The following TMTC1 variants were observed in gnomAD, a reference collection of about 807,000 sequenced individuals.
TMTC1 encodes transmembrane O-mannosyltransferase targeting cadherins 1, also known as protein O-mannosyl-transferase TMTC1.
In TMTC1, 73 loss-of-function variants were observed where a neutral mutation model predicts 104.8. The observed-to-expected ratio is 0.70, with a 90% CI of 0.58 to 0.85. The LOEUF (loss-of-function observed/expected upper bound fraction) is 0.85. Among genes scored for constraint, TMTC1 ranks in the 40% least tolerant of loss-of-function variants. The probability of loss-of-function intolerance (pLI) is 0.00; values close to 1 mark genes in which losing one functional copy is unlikely to be tolerated. For synonymous variants in TMTC1, 434 were observed against 428.7 expected, an observed-to-expected ratio of 1.01 and a Z score of -0.15; for missense variants, 1,035 against 1,096.1, an observed-to-expected ratio of 0.94 and a Z score of 0.79.
intron 6 of TMTC1, among the ~76,000 whole-genome samples, chr12:29,630,752 T>C (rs983466398): frequency 2.0e-5 from 3 of 152,232 alleles, no homozygotes; most frequent in African/African-American, 7.2e-5. Context: ...ACGATATTCA[T>C]ATGGGCAAGT....
intron 8 of TMTC1, among the ~76,000 whole-genome samples, chr12:29,574,361 T>A (rs1004390772): frequency 1.2e-4 from 19 of 152,106 alleles, no homozygotes; most frequent in African/African-American, 4.1e-4. Flanking sequence ...CTGGGCCAGT[T>A]TTTTTTGTTT....
intron 6 of TMTC1, among the ~76,000 whole-genome samples, chr12:29,606,416 T>C (rs956792579): frequency 1.4e-5 from 2 of 141,554 alleles, no homozygotes; most frequent in Middle Eastern, 3.2e-3. Context: ...TTCTTACAAT[T>C]GAAAACAGAC....
chr12:29,717,465 T>C (rs969708498), intron 5 of TMTC1, among the ~76,000 whole-genome samples: 2 of 152,218 alleles, frequency 1.3e-5, no homozygotes, highest in Admixed American at 1.3e-4. Flanking sequence ...AACCTTATCA[T>C]GGTTTGCTTA....
At chr12:29,656,500 G>A (rs1591874637) in intron 5 of TMTC1, among the ~76,000 whole-genome samples, 1 of 151,540 alleles carries the variant, frequency 6.6e-6, no homozygotes, top group Admixed American at 6.6e-5. Flanking sequence ...GATTACAGGC[G>A]CCTGCCACCA....
intron 16 of TMTC1, among the ~76,000 whole-genome samples, chr12:29,512,891 A>C (rs1232853878): frequency 6.6e-6 from 1 of 152,236 alleles, no homozygotes; most frequent in Non-Finnish European, 1.5e-5. Context: ...TACAAAGCTA[A>C]GTATTTGTGC....
intron 4 of TMTC1, among the ~76,000 whole-genome samples, chr12:29,753,736 C>T (rs142085028): frequency 9.6e-4 from 146 of 152,294 alleles, no homozygotes; most frequent in African/African-American, 3.3e-3. Flanking sequence ...ATGCTCTTTG[C>T]GGGAAGGAAC....
chr12:29,719,092 TTC>T (rs1366807042), intron 5 of TMTC1, among the ~76,000 whole-genome samples: 1 of 152,158 alleles, frequency 6.6e-6, no homozygotes, highest in Non-Finnish European at 1.5e-5. Flanking sequence ...TGTCAGTGTT[TTC>T]TCTCTCTCTT....
chr12:29,666,057 C>T (rs557800920), intron 5 of TMTC1, among the ~76,000 whole-genome samples: 1 of 152,184 alleles, frequency 6.6e-6, no homozygotes, highest in South Asian at 2.1e-4. Flanking sequence ...CAGTGGTCTC[C>T]GTATCAATTG....
chr12:29,682,651 G>A (rs989914554), intron 5 of TMTC1, among the ~76,000 whole-genome samples: 3 of 152,192 alleles, frequency 2.0e-5, no homozygotes, highest in African/African-American at 7.2e-5. Flanking sequence ...AACTGTAAGA[G>A]ACCACATAAT....
chr12:29,650,712 T>G (rs917069283), intron 5 of TMTC1, among the ~76,000 whole-genome samples: 3 of 152,182 alleles, frequency 2.0e-5, no homozygotes, highest in African/African-American at 7.2e-5. Flanking sequence ...AGCAGCATGA[T>G]CTGAGCTTTC....
At chr12:29,666,297 G>C (rs1204649875) in intron 5 of TMTC1, 1 of 376,678 alleles carries the variant, frequency 2.7e-6, no homozygotes, top group African/African-American at 2.4e-5. Flanking sequence ...GCACAATCTC[G>C]GCTCACTGCA....
rs2194820 is a variant in TMTC1 at position 29,630,458 on chromosome 12, T to G, written c.1128+2689A>C. 2.6e-5 allele frequency among the ~76,000 whole-genome samples: 4 copies of G among 152,154 alleles called. No individual in the cohort carries two copies. The East Asian group carries it at 5.8e-4, about 22-fold the overall frequency. On this transcript the variant is annotated intron_variant, in intron 6 of 17. Coordinates refer to ENST00000539277, the MANE Select transcript of TMTC1 (RefSeq NM_001193451.2). ...GCCCCCATGAGTCAATTACCTCTCA[T>G]GGGGTCCCTCCTATGACATGTGGGG...
intron 11 of TMTC1, chr12:29,535,910 G>C: frequency 3.4e-6 from 1 of 295,488 alleles, no homozygotes; most frequent in South Asian, 4.7e-5. Context: ...AATATTACAA[G>C]TAAGTGGTAA....
At chr12:29,755,107 T>C (rs1427969539) in intron 4 of TMTC1, among the ~76,000 whole-genome samples, 1 of 152,204 alleles carries the variant, frequency 6.6e-6, no homozygotes, top group African/African-American at 2.4e-5. Flanking sequence ...GTGATTCTTA[T>C]CATCTATAAG....
chr12:29,675,070 G>A (rs1262003850), intron 5 of TMTC1, among the ~76,000 whole-genome samples: 2 of 152,110 alleles, frequency 1.3e-5, no homozygotes, highest in Non-Finnish European at 2.9e-5. Context: ...ATGTTAAAAT[G>A]AAGAATAACA....
chr12:29,562,635 G>A (rs1228321816), intron 9 of TMTC1, among the ~76,000 whole-genome samples: 2 of 152,192 alleles, frequency 1.3e-5, no homozygotes, highest in African/African-American at 4.8e-5. Context: ...TTTGGAGTCA[G>A]AAGCCATGAG....
Position 29,503,486 on chromosome 12 carries a change from G to T in TMTC1, c.*3360C>A, listed in dbSNP as rs1474930535. On this transcript the variant is annotated 3_prime_UTR_variant, in exon 18 of 18. Coordinates refer to ENST00000539277, the MANE Select transcript of TMTC1 (RefSeq NM_001193451.2). Reference sequence around the variant, plus strand: ...TACATCAAAGGATACAAAAAGAAATGGACACTTATCAGGGATTTTGAAGGC... The same window carrying T: ...TACATCAAAGGATACAAAAAGAAATTGACACTTATCAGGGATTTTGAAGGC... The T allele has an allele frequency of 6.6e-6, 1 of 152,094 alleles. No homozygotes were observed. The highest frequency in any genetic ancestry group is 1.5e-5 in the Non-Finnish European group (1 of 68,026). The allele number at this position is 152,094 out of a possible 1,614,324, so 9.4% of individuals were successfully genotyped here. A position where few individuals can be genotyped will look rare whatever the true frequency, so the allele number is the denominator to read the frequency against.
intron 2 of TMTC1, among the ~76,000 whole-genome samples, chr12:29,766,800 A>T (rs914433857): frequency 2.6e-5 from 4 of 152,164 alleles, no homozygotes. Flanking sequence ...TGTGGTGCCC[A>T]TGGACCTCTC....
At chr12:29,774,203 G>T (rs1943657009) in intron 1 of TMTC1, among the ~76,000 whole-genome samples, 1 of 152,050 alleles carries the variant, frequency 6.6e-6, no homozygotes, top group Admixed American at 6.5e-5. Context: ...CATCTGGTGT[G>T]GTAGCTACAA....
Sources: allele counts gnomAD v4.1 joint callset (sites outside exome capture counted in the v4.1 genomes callset), GRCh38; gene constraint gnomAD v4.1.1; transcripts MANE v1.5; gene names NCBI Gene and HGNC (gene_info 2026-07-23, HGNC 2026-07-21).